Variants in TNXB observed in about 807,000 individuals in gnomAD.
TNXB encodes tenascin XB, also known as tenascin-X.
A neutral mutation model predicts 340.5 loss-of-function variants in TNXB; 183 were observed. The observed-to-expected ratio is 0.54, with a 90% CI of 0.48 to 0.61. The LOEUF (loss-of-function observed/expected upper bound fraction) is 0.61, where lower values mean the gene tolerates loss of function less well. TNXB is among the 20% of genes least tolerant of loss of function. The pLI, the probability that TNXB is intolerant of heterozygous loss-of-function variation, is 0.00. For synonymous variants in TNXB, 2,121 were observed against 2,314.5 expected (o/e 0.92, Z 2.40); for missense variants, 4,613 against 5,446.4 (o/e 0.85, Z 4.82).
Position 32,046,482 on chromosome 6 carries a change from C to T in TNXB, c.10325-26G>A, listed in dbSNP as rs1395128745. 1 of 1,536,344 alleles carries T rather than the reference C, an allele frequency of 6.5e-7. No homozygotes were observed. The highest frequency in any genetic ancestry group is 1.4e-5 in the African/African-American group (1 of 73,356). ...CTGTGCAGAGGGAGGAGGGAAAGCT[C>T]TTAGTCACATGCTGCCTTTGCCTAA... On this transcript the variant is annotated intron_variant, in intron 30 of 43. Coordinates refer to ENST00000644971, the MANE Select transcript of TNXB (RefSeq NM_001365276.2). The surrounding 1 kb of genome is among the most constrained non-coding windows in gnomAD (Gnocchi z 6.9).
At position 32,085,997 on chromosome 6, in the gene TNXB, C is replaced by T. The variant is rs764375687; in HGVS notation, c.2901G>A (p.Arg967=). Residue 967 remains arginine, a synonymous_variant, in exon 7 of 44, where the codon AGG becomes AGA. Transcript: ENST00000644971. The surrounding 1 kb of genome is among the most constrained non-coding windows in gnomAD (Gnocchi z 6.4). ...GCCCTGTCTCATCTCTGCCCAGCAC[C>T]CTCAACTCTCCCAGCTCCTGGGGGC... is the stretch of plus-strand genomic sequence containing the variant. ...QQRPQELGEL[R]VLGRDETGRL... is the part of the protein sequence containing the mutation. 1 of 1,606,988 alleles carries T rather than the reference C, an allele frequency of 6.2e-7. No individual in the cohort carries two copies. Among genetic ancestry groups the T allele is most frequent in the Admixed American group, 1.7e-5 (1 of 60,002 alleles).
In TNXB at chr6:32,084,257, T is replaced by G. The variant is rs2127261179; in HGVS notation, c.3445+156A>C. Among the ~76,000 whole-genome samples, 4 of 152,232 alleles carry G rather than the reference T, an allele frequency of 2.6e-5. No individual in the cohort carries two copies. In the Middle Eastern group the frequency reaches 0.014, roughly 518 times the overall value. On this transcript the variant is annotated intron_variant, in intron 8 of 43. Transcript: ENST00000644971. The surrounding 1 kb of genome is among the most constrained non-coding windows in gnomAD (Gnocchi z 5.5). Reference sequence around the variant, plus strand: ...TCAGGCTGCACTGAGCTTCTCAAACTCTTTGCCTGCCCCACCACTACTTTC... The same window carrying G: ...TCAGGCTGCACTGAGCTTCTCAAACGCTTTGCCTGCCCCACCACTACTTTC...
Position 32,067,964 on chromosome 6 carries a change from T to C in TNXB, c.6241A>G (p.Ser2081Gly). Reference sequence around the variant, plus strand: ...GCCTCCATGCTGGGTTCTGTGGGGCTGGGGGTCTCTTCCTCTGCAGCTGAG... The same window carrying C: ...GCCTCCATGCTGGGTTCTGTGGGGCCGGGGGTCTCTTCCTCTGCAGCTGAG... ...GVTAAEEETP[S>G]PTEPSMEAPE... The change falls in exon 18 of 44, where the codon AGC (serine) becomes GGC (glycine). Residue 2081 changes from serine (S) to glycine (G), a missense_variant. Ser to Gly is a moderately conservative substitution (Grantham distance 56). Coordinates refer to ENST00000644971, the MANE Select transcript of TNXB (RefSeq NM_001365276.2). This position sits in a 1 kb window ranked among gnomAD's most constrained non-coding sequence, Gnocchi z 4.2. 2.5e-6 allele frequency: 4 copies of C among 1,611,464 alleles called. No individual in the cohort carries two copies. The highest frequency in any genetic ancestry group is 3.4e-6 in the Non-Finnish European group (4 of 1,179,206).
At position 32,052,974 on chromosome 6, in the gene TNXB, G is replaced by T; in HGVS notation, c.8811C>A (p.Pro2937=). 1.9e-6 allele frequency: 3 copies of T among 1,611,320 alleles called. No homozygotes were observed. The highest frequency in any genetic ancestry group is 2.5e-6 in the Non-Finnish European group (3 of 1,179,128). ...IGVTAAEEET[P]APTEPSTEAP... ...CCTCCGTGCTGGGTTCTGTGGGGGC[G>T]GGAGTTTCTTCCTCTGCAGCTGAGA... The change falls in exon 26 of 44, where the codon CCC becomes CCA. Residue 2937 remains proline (P), a synonymous_variant. Transcript: ENST00000644971. The surrounding 1 kb of genome is among the most constrained non-coding windows in gnomAD (Gnocchi z 4.7).
chr6:32,082,873 C>G lies in TNXB; in HGVS notation c.3446-547G>C, dbSNP rs1355009011. Among the ~76,000 whole-genome samples, 1 of 152,168 alleles carries G rather than the reference C, an allele frequency of 6.6e-6. No homozygotes were observed. Among genetic ancestry groups the G allele is most frequent in the Non-Finnish European group, 1.5e-5 (1 of 68,032 alleles). ...GCAGCACTGACCCTTCACTCCCCAG[C>G]AGCTGTGCCATCAGCATTTCAACAA... On this transcript the variant is annotated intron_variant, in intron 8 of 43. Transcript: ENST00000644971. The surrounding 1 kb of genome is among the most constrained non-coding windows in gnomAD (Gnocchi z 5.0).
chr6:32,090,880 C>T lies in TNXB; in HGVS notation c.2359-1501G>A, dbSNP rs536605640. Reference sequence around the variant, plus strand: ...GTATGTCTCTTTCTCTTTATCCACACCCACCCCATCCCCACAGCCGCAATA... The same window carrying T: ...GTATGTCTCTTTCTCTTTATCCACATCCACCCCATCCCCACAGCCGCAATA... On this transcript the variant is annotated intron_variant, in intron 4 of 43. Coordinates refer to ENST00000644971, the MANE Select transcript of TNXB (RefSeq NM_001365276.2). The surrounding 1 kb of genome is among the most constrained non-coding windows in gnomAD (Gnocchi z 4.3). 2.9e-4 allele frequency among the ~76,000 whole-genome samples: 44 copies of T among 152,124 alleles called. No individual in the cohort carries two copies. Among genetic ancestry groups the T allele is most frequent in the Non-Finnish European group, 5.3e-4 (36 of 68,036 alleles).
At chr6:32,101,887 C>T (rs1032452541) in intron 1 of TNXB, among the ~76,000 whole-genome samples, 3 of 152,064 alleles carry the variant, frequency 2.0e-5, no homozygotes, top group Non-Finnish European at 4.4e-5. Context: ...CCATGCCTGG[C>T]TAATTTTTAA....
chr6:32,096,456 C>G lies in TNXB; in HGVS notation c.1397G>C (p.Cys466Ser). Residue 466 changes from cysteine (C) to serine (S), a missense_variant, in exon 3 of 44, where the codon TGT becomes TCT. Around this residue, in one of 7 missense-constraint regions of TNXB, gnomAD observed 4,327 missense variants for 4,859.4 expected, o/e 0.89. Coordinates refer to ENST00000644971, the MANE Select transcript of TNXB (RefSeq NM_001365276.2). ...YSGEDCGVRS[C>S]PGDCRGRGRC... ...GCCCCGGCCACGACAGTCCCCAGGA[C>G]AGCTGCGCACACCGCAGTCCTCGCC... 1 of 1,599,622 alleles carries G rather than the reference C, an allele frequency of 6.3e-7. No homozygotes were observed. Among genetic ancestry groups the G allele is most frequent in the Non-Finnish European group, 8.5e-7 (1 of 1,179,150 alleles).
At chr6:32,086,497 G>C (rs980545306) in intron 6 of TNXB, among the ~76,000 whole-genome samples, 1 of 152,188 alleles carries the variant, frequency 6.6e-6, no homozygotes, top group Non-Finnish European at 1.5e-5. Flanking sequence ...AAGAAAGACA[G>C]TGGTGTTAGA....
chr6:32,053,695 T>C lies in TNXB; in HGVS notation c.8484A>G (p.Ala2828=), dbSNP rs367949241. 2 of 1,612,396 alleles carry C rather than the reference T, an allele frequency of 1.2e-6. No individual in the cohort carries two copies. The highest frequency in any genetic ancestry group is 3.3e-5 in the Admixed American group (2 of 60,004). ...TGGTGGGCACTGCTTGGGTGGTCTC[T>C]GCTTCATCCTCTGGAGCTGGACAGA... ...TVGVTAPEDE[A]ETTQAVPTTT... Residue 2828 remains alanine (A), a synonymous_variant, in exon 25 of 44, where the codon GCA becomes GCG. Transcript: ENST00000644971.
chr6:32,050,314 C>A lies in TNXB; in HGVS notation c.9123G>T (p.Lys3041Asn). The change falls in exon 27 of 44, where the codon AAG becomes AAT. Residue 3041 changes from lysine (K) to asparagine (N), a missense_variant. Lys to Asn is a moderately conservative substitution (Grantham distance 94). Around this residue, in one of 7 missense-constraint regions of TNXB, gnomAD observed 4,327 missense variants for 4,859.4 expected, o/e 0.89. Transcript: ENST00000644971. ...CTGCTTGGGTGGTCTCGGCTTCATC[C>A]TTTGGAGCTGGACAGACACGTGTGG... ...PVSAVGVTAP[K>N]DEAETTQAVP... 3.1e-6 allele frequency: 5 copies of A among 1,612,634 alleles called. No individual in the cohort carries two copies. The highest frequency in any genetic ancestry group is 3.4e-6 in the Non-Finnish European group (4 of 1,179,398).
At chr6:32,071,728 A>G (rs895986782) in intron 13 of TNXB, among the ~76,000 whole-genome samples, 17 of 151,970 alleles carry the variant, frequency 1.1e-4, no homozygotes, top group Non-Finnish European at 4.4e-5. Context: ...TGGAATTACT[A>G]GCACCCATCA....
Position 32,082,273 on chromosome 6 carries a change from C to T in TNXB, c.3499G>A (p.Val1167Met). ...GTPPHLGNLW[V>M]TDPTPDSLHL... is the part of the protein sequence containing the mutation. The stretch of plus-strand genomic sequence containing the variant: ...AGTGAATCTGGGGTAGGGTCTGTCA[C>T]CCACAGGTTTCCCAGGTGGGGTGGA... The change falls in exon 9 of 44, where the codon GTG (valine) becomes ATG (methionine). Residue 1167 changes from valine to methionine, a missense_variant. Transcript: ENST00000644971. This position sits in a 1 kb window ranked among gnomAD's most constrained non-coding sequence, Gnocchi z 5.0. 6.2e-7 allele frequency: 1 copy of T among 1,604,744 alleles called. No individual in the cohort carries two copies. The highest frequency in any genetic ancestry group is 8.5e-7 in the Non-Finnish European group (1 of 1,175,578).
chr6:32,085,899 C>A lies in TNXB; in HGVS notation c.2999G>T (p.Gly1000Val). The A allele has an allele frequency of 6.2e-7, 1 of 1,608,478 alleles. No individual in the cohort carries two copies. The highest frequency in any genetic ancestry group is 8.5e-7 in the Non-Finnish European group (1 of 1,178,734). Residue 1000 changes from glycine (G) to valine (V), a missense_variant, in exon 7 of 44, where the codon GGG becomes GTG. This residue lies in a region of TNXB where 4,327 missense variants were observed against 4,859.4 expected (regional missense o/e 0.89). Coordinates refer to ENST00000644971, the MANE Select transcript of TNXB (RefSeq NM_001365276.2). This position sits in a 1 kb window ranked among gnomAD's most constrained non-coding sequence, Gnocchi z 6.4. ...CAGCACTTCCTCATGTGCCCCCGGC[C>A]CCTCGGGCACCCGCATGCGCAGTTG... ...YFQLRMRVPEGPGAHEEVLPG... is the reference protein window; with the variant it reads ...YFQLRMRVPEVPGAHEEVLPG...
Position 32,090,899 on chromosome 6 carries a change from C to T in TNXB, c.2359-1520G>A, listed in dbSNP as rs115461385. On this transcript the variant is annotated intron_variant, in intron 4 of 43. Coordinates refer to ENST00000644971, the MANE Select transcript of TNXB (RefSeq NM_001365276.2). The surrounding 1 kb of genome is among the most constrained non-coding windows in gnomAD (Gnocchi z 4.3). ...TCCACACCCACCCCATCCCCACAGC[C>T]GCAATACACACACCTTGGATGCTCC... 0.052 allele frequency among the ~76,000 whole-genome samples: 7,882 copies of T among 152,168 alleles called. 299 individuals carry two copies. Among genetic ancestry groups the T allele is most frequent in the South Asian group, 0.11 (542 of 4,806 alleles).
Position 32,079,263 on chromosome 6 carries a change from C to A in TNXB, c.4145G>T (p.Gly1382Val). The change falls in exon 11 of 44, where the codon GGA becomes GTA. Residue 1382 changes from glycine (G) to valine (V), a missense_variant. This residue lies in a region of TNXB where 4,327 missense variants were observed against 4,859.4 expected (regional missense o/e 0.89). Coordinates refer to ENST00000644971, the MANE Select transcript of TNXB (RefSeq NM_001365276.2). This position sits in a 1 kb window ranked among gnomAD's most constrained non-coding sequence, Gnocchi z 7.1. ...EPLLGELTVT[G>V]SSPDSLSLFW... is the part of the protein sequence containing the mutation. Reference sequence around the variant, plus strand: ...GAGGCTCAGCGAATCAGGGGAGGATCCTGTCACTGTCAGCTCCCCCAGGAG... The same window carrying A: ...GAGGCTCAGCGAATCAGGGGAGGATACTGTCACTGTCAGCTCCCCCAGGAG... 1 of 1,613,516 alleles carries A rather than the reference C, an allele frequency of 6.2e-7. No individual in the cohort carries two copies. The highest frequency in any genetic ancestry group is 8.5e-7 in the Non-Finnish European group (1 of 1,179,866).
rs2151913317 is a variant in TNXB, at chr6:32,067,538, C to G, written c.6544+123G>C. On this transcript the variant is annotated intron_variant, in intron 18 of 43. Transcript: ENST00000644971. This position sits in a 1 kb window ranked among gnomAD's most constrained non-coding sequence, Gnocchi z 4.2. The stretch of plus-strand genomic sequence containing the variant: ...GTCCCCAGATCACACCTGTCCTGAG[C>G]CTTTAGTGAACAGGGTGTATTACAG... 2 of 1,320,708 alleles carry G rather than the reference C, an allele frequency of 1.5e-6. No homozygotes were observed. The highest frequency in any genetic ancestry group is 3.1e-5 in the South Asian group (2 of 65,260). The allele number at this position is 1,320,708 out of a possible 1,614,324, so 81.8% of individuals were successfully genotyped here. A position where few individuals can be genotyped will look rare whatever the true frequency, so the allele number is the denominator to read the frequency against.
Position 32,081,955 on chromosome 6 carries a change from C to G in TNXB, c.3736+81G>C. On this transcript the variant is annotated intron_variant, in intron 9 of 43. Coordinates refer to ENST00000644971, the MANE Select transcript of TNXB (RefSeq NM_001365276.2). This position sits in a 1 kb window ranked among gnomAD's most constrained non-coding sequence, Gnocchi z 5.1. ...TGGAGTCAGCTGTCTTGCTGGGGGACCCCAGCTGGTTTTGGGCTGAAGGGA... is the reference window on the plus strand; with the variant it reads ...TGGAGTCAGCTGTCTTGCTGGGGGAGCCCAGCTGGTTTTGGGCTGAAGGGA... 5 of 1,410,552 alleles carry G rather than the reference C, an allele frequency of 3.5e-6. No homozygotes were observed. The highest frequency in any genetic ancestry group is 4.8e-6 in the Non-Finnish European group (5 of 1,044,362). 87.4% of individuals were successfully genotyped at this position (1,410,552 alleles called of 1,614,324 possible). A position where few individuals can be genotyped will look rare whatever the true frequency, so the allele number is the denominator to read the frequency against.
chr6:32,055,996 G>T lies in TNXB; in HGVS notation c.8322C>A (p.Asp2774Glu). ...DSFTVQYKDR[D>E]GRPQVMRVRG... is the part of the protein sequence containing the mutation. ...TGACACGCATCACCTGGGGCCGCCC[G>T]TCCCTGTCCTTGTACTGCACGGTGA... Residue 2774 changes from aspartate (D) to glutamate (E), a missense_variant, in exon 24 of 44, where the codon GAC (aspartate) becomes GAA (glutamate). Coordinates refer to ENST00000644971, the MANE Select transcript of TNXB (RefSeq NM_001365276.2). The T allele has an allele frequency of 6.2e-7, 1 of 1,613,306 alleles. No homozygotes were observed. Among genetic ancestry groups the T allele is most frequent in the Non-Finnish European group, 8.5e-7 (1 of 1,179,874 alleles).
Sources: gnomAD v4.1 joint callset for allele counts (sites outside exome capture counted in the v4.1 genomes callset) on GRCh38, gnomAD v4.1.1 for gene constraint, gnomAD v4.1.1 regional missense constraint, Gnocchi (gnomAD v3.1) non-coding constraint, MANE v1.5 for transcripts, NCBI Gene and HGNC (gene_info 2026-07-23, HGNC 2026-07-21) for gene names.